The following CNBD1 variants were observed in gnomAD, a reference collection of about 807,000 sequenced individuals.
The protein encoded by CNBD1 is cyclic nucleotide binding domain containing 1, also known as cyclic nucleotide-binding domain-containing protein 1.
CNBD1 carries 71 observed loss-of-function variants against 54.4 expected under a neutral mutation model. The ratio of observed to expected loss-of-function variants is 1.30; its 90% CI spans 1.08 to 1.59. The LOEUF (loss-of-function observed/expected upper bound fraction) is 1.59, where lower values mean the gene tolerates loss of function less well. CNBD1 is among the 40% of genes most tolerant of loss of function. The pLI, the probability that CNBD1 is intolerant of heterozygous loss-of-function variation, is 0.00. For missense variants in CNBD1, 659 were observed against 518.0 expected, an observed-to-expected ratio of 1.27 and a Z score of -2.64; for synonymous variants, 182 against 170.7, an observed-to-expected ratio of 1.07 and a Z score of -0.51.
At chr8:86,933,762 TTTTA>T (rs1809498203) in intron 3 of CNBD1, among the ~76,000 whole-genome samples, 1 of 152,108 alleles carries the variant, frequency 6.6e-6, no homozygotes, top group African/African-American at 2.4e-5. Flanking sequence ...GAATATTCTT[TTTTA>T]TTTGTTTAAT....
intron 6 of CNBD1, among the ~76,000 whole-genome samples, chr8:87,276,432 A>G (rs1808481354): frequency 6.6e-6 from 1 of 151,900 alleles, no homozygotes. Flanking sequence ...AAAGGCTTGG[A>G]TGCCATGGTC....
intron 2 of CNBD1, among the ~76,000 whole-genome samples, chr8:87,419,583 T>C (rs950010303): frequency 6.6e-6 from 1 of 151,940 alleles, no homozygotes; most frequent in African/African-American, 2.4e-5. Flanking sequence ...ATGTGTTGTA[T>C]AGCCCAACAG....
chr8:87,234,421 T>C (rs528076238), intron 5 of CNBD1, among the ~76,000 whole-genome samples: 1 of 152,330 alleles, frequency 6.6e-6, no homozygotes, highest in African/African-American at 2.4e-5. Context: ...TGAAATTACC[T>C]CTTGATTGAT....
intron 5 of CNBD1, among the ~76,000 whole-genome samples, chr8:87,209,043 C>A (rs1814036409): frequency 6.6e-6 from 1 of 152,006 alleles, no homozygotes. Flanking sequence ...CATCAATTAA[C>A]CATAATTCAA....
At chr8:87,291,508 TTC>T (rs1452164804) in intron 8 of CNBD1, among the ~76,000 whole-genome samples, 1 of 152,170 alleles carries the variant, frequency 6.6e-6, no homozygotes, top group East Asian at 1.9e-4. Context: ...CGCCTCCTTC[TTC>T]TTTTTAATGC....
intron 4 of CNBD1, among the ~76,000 whole-genome samples, chr8:87,092,952 C>T (rs1031298799): frequency 2.6e-5 from 4 of 152,110 alleles, no homozygotes; most frequent in African/African-American, 9.7e-5. Context: ...GAAACCTGGG[C>T]GTTACCACTA....
chr8:87,414,110 T>C (rs956894512), intron 2 of CNBD1, among the ~76,000 whole-genome samples: 5 of 152,042 alleles, frequency 3.3e-5, no homozygotes, highest in Non-Finnish European at 7.4e-5. Context: ...TAGCAAAGAC[T>C]TGGAACCAAC....
intron 2 of CNBD1, among the ~76,000 whole-genome samples, chr8:87,390,277 A>G (rs1350712340): frequency 6.6e-6 from 1 of 152,212 alleles, no homozygotes; most frequent in Non-Finnish European, 1.5e-5. Flanking sequence ...GAGCTTCTGC[A>G]CAGCAAAAGA....
At chr8:87,291,486 C>T (rs1383415991) in intron 8 of CNBD1, among the ~76,000 whole-genome samples, 1 of 152,136 alleles carries the variant, frequency 6.6e-6, no homozygotes, top group Non-Finnish European at 1.5e-5. Flanking sequence ...TATAGTGCCT[C>T]TGTTACATAT....
At chr8:87,388,765 T>A (rs182356170) in intron 2 of CNBD1, among the ~76,000 whole-genome samples, 1 of 152,128 alleles carries the variant, frequency 6.6e-6, no homozygotes, top group African/African-American at 2.4e-5. Flanking sequence ...GCCTACATTA[T>A]CCTGATACCA....
chr8:87,256,815 G>A (rs931972307), intron 6 of CNBD1, among the ~76,000 whole-genome samples: 24 of 151,022 alleles, frequency 1.6e-4, no homozygotes, highest in Admixed American at 1.5e-3. Context: ...AGTATAAAGA[G>A]ATCTTTGTCA....
chr8:86,961,228 A>G (rs1478606997), intron 4 of CNBD1, among the ~76,000 whole-genome samples: 1 of 152,206 alleles, frequency 6.6e-6, no homozygotes, highest in Non-Finnish European at 1.5e-5. Context: ...CAAGCTTACC[A>G]GTTTTACTTT....
intron 1 of CNBD1, among the ~76,000 whole-genome samples, chr8:86,870,860 A>G (rs1808434003): frequency 6.6e-6 from 1 of 152,132 alleles, no homozygotes; most frequent in Non-Finnish European, 1.5e-5. Flanking sequence ...GAAGGAGTAA[A>G]AGGTGGGAAA....
At position 87,211,255 on chromosome 8, in the gene CNBD1, C is replaced by A. The variant is rs184114862; in HGVS notation, c.577+5117C>A. Among the ~76,000 whole-genome samples the A allele has an allele frequency of 3.9e-3, 598 of 152,142 alleles. 1 individual carries two copies. Among genetic ancestry groups the A allele is most frequent in the Non-Finnish European group, 6.8e-3 (460 of 68,004 alleles). On this transcript the variant is annotated intron_variant, in intron 5 of 10. Transcript: ENST00000518476. ...CATTGTATCTTGGAAGTAAATAGTA[C>A]TTTTTGATTTTATAGGCTCATAGGT... is the stretch of plus-strand genomic sequence containing the variant.
intron 2 of CNBD1, among the ~76,000 whole-genome samples, chr8:87,397,475 A>G (rs1407072648): frequency 6.6e-6 from 1 of 151,928 alleles, no homozygotes; most frequent in Non-Finnish European, 1.5e-5. Flanking sequence ...GATGAAATAT[A>G]ACTTTGCCAC....
chr8:87,308,093 C>G (rs1809194612), intron 8 of CNBD1, among the ~76,000 whole-genome samples: 2 of 152,028 alleles, frequency 1.3e-5, no homozygotes, highest in South Asian at 4.2e-4. Context: ...ATCTTTATAG[C>G]CCTGTGAAAA....
chr8:87,161,065 T>C (rs1812847933), intron 4 of CNBD1, among the ~76,000 whole-genome samples: 1 of 152,086 alleles, frequency 6.6e-6, no homozygotes, highest in South Asian at 2.1e-4. Context: ...GTGTGACAGA[T>C]TAGAGAAAAG....
At chr8:87,239,655 A>G (rs1016807746) in intron 6 of CNBD1, among the ~76,000 whole-genome samples, 8 of 152,192 alleles carry the variant, frequency 5.3e-5, no homozygotes, top group African/African-American at 1.9e-4. Flanking sequence ...TAACAAACAT[A>G]AGGTGAAAAA....
At chr8:86,978,611 T>G (rs1254906227) in intron 4 of CNBD1, among the ~76,000 whole-genome samples, 1 of 142,164 alleles carries the variant, frequency 7.0e-6, no homozygotes, top group East Asian at 2.2e-4. Context: ...GGCGCGATCT[T>G]GGCTCACTGC....
Sources: allele counts gnomAD v4.1 joint callset (sites outside exome capture counted in the v4.1 genomes callset), GRCh38; gene constraint gnomAD v4.1.1; transcripts MANE v1.5; gene names NCBI Gene and HGNC (gene_info 2026-07-23, HGNC 2026-07-21).